CPNE5: variants seen among roughly 807,000 people sequenced by gnomAD.
The protein encoded by CPNE5 is copine 5.
Under a neutral mutation model 81.1 loss-of-function variants are expected in CPNE5, and 42 were observed. The ratio of observed to expected loss-of-function variants is 0.52; its 90% CI spans 0.40 to 0.67. CPNE5 has a LOEUF of 0.67. Ranked by LOEUF, CPNE5 falls within the 30% of genes least tolerant of loss-of-function variation. The pLI, the probability that CPNE5 is intolerant of heterozygous loss-of-function variation, is 0.00. For missense variants in CPNE5, 612 were observed against 815.5 expected (o/e 0.75, Z 3.04); for synonymous variants, 313 against 321.5 (o/e 0.97, Z 0.28).
At chr6:36,836,635 G>T (rs192703404) in intron 1 of CPNE5, among the ~76,000 whole-genome samples, 4 of 152,180 alleles carry the variant, frequency 2.6e-5, no homozygotes, top group African/African-American at 9.7e-5. Context: ...CCCTGAGAGC[G>T]GGTGCAGTGG....
At position 36,790,991 on chromosome 6, in the gene CPNE5, C is replaced by T. The variant is rs76411494; in HGVS notation, c.528+1042G>A. 9.9e-3 allele frequency among the ~76,000 whole-genome samples: 1,502 copies of T among 152,242 alleles called. 27 individuals are homozygous for T. The highest frequency in any genetic ancestry group is 0.035 in the African/African-American group (1,439 of 41,552). On this transcript the variant is annotated intron_variant, in intron 8 of 20. Transcript: ENST00000244751. ...GGTAAATATTGATTGATAGCTGATC[C>T]GTAGCACTGACCTCCCAGGAAGGTA...
At chr6:36,817,173 A>C (rs1436581756) in intron 3 of CPNE5, among the ~76,000 whole-genome samples, 1 of 152,122 alleles carries the variant, frequency 6.6e-6, no homozygotes, top group African/African-American at 2.4e-5. Flanking sequence ...TAAAAATACA[A>C]AATTAGCTGG....
At chr6:36,821,868 C>G (rs982188268) in intron 3 of CPNE5, among the ~76,000 whole-genome samples, 6 of 152,154 alleles carry the variant, frequency 3.9e-5, no homozygotes, top group African/African-American at 1.4e-4. Context: ...GACTGGGGCT[C>G]CCTGAGAACA....
At chr6:36,795,410 C>A (rs2150516478) in intron 6 of CPNE5, among the ~76,000 whole-genome samples, 1 of 152,256 alleles carries the variant, frequency 6.6e-6, no homozygotes, top group Admixed American at 6.5e-5. Context: ...AACTCCTGAC[C>A]TCAGGTGATC....
At chr6:36,768,222 G>GTTCTTTTTTTCTTTTTTT (rs151143358) in intron 10 of CPNE5, among the ~76,000 whole-genome samples, 2 of 43,542 alleles carry the variant, frequency 4.6e-5, no homozygotes, top group Admixed American at 2.6e-4. Context: ...TCTATTCACA[G>GTTCTTTTTTTCTTTTTTT]TTCTTTTTTT....
At chr6:36,783,547 A>G (rs1314110062) in intron 8 of CPNE5, among the ~76,000 whole-genome samples, 1 of 152,030 alleles carries the variant, frequency 6.6e-6, no homozygotes, top group Non-Finnish European at 1.5e-5. Flanking sequence ...TCTGTCACCC[A>G]CGCTGGAGTG....
At chr6:36,821,427 G>A (rs28656041) in intron 3 of CPNE5, among the ~76,000 whole-genome samples, 24,131 of 152,076 alleles carry the variant, frequency 0.16, 2,484 homozygotes, top group East Asian at 0.32. Flanking sequence ...CCCTCTGGCC[G>A]CGGGGTGAGG....
rs557551813 is a variant in CPNE5 at position 36,807,037 on chromosome 6, G to A, written c.184-6967C>T. 3.3e-5 allele frequency among the ~76,000 whole-genome samples: 5 copies of A among 152,304 alleles called. No individual in the cohort carries two copies. In the South Asian group the frequency reaches 1.0e-3, roughly 32 times the overall value. On this transcript the variant is annotated intron_variant, in intron 3 of 20. Coordinates refer to ENST00000244751, the MANE Select transcript of CPNE5 (RefSeq NM_020939.2). The stretch of plus-strand genomic sequence containing the variant: ...AGTCAGGGTTTGAGGCTCCTAACCT[G>A]GGCTTTATGTGGGTTTGTGACATCC...
chr6:36,756,983 G>A (rs988527413), intron 12 of CPNE5, among the ~76,000 whole-genome samples: 1 of 152,148 alleles, frequency 6.6e-6, no homozygotes, highest in South Asian at 2.1e-4. Context: ...AGACGGTTTT[G>A]GTTTCCACAA....
intron 12 of CPNE5, among the ~76,000 whole-genome samples, chr6:36,756,563 C>T (rs1248613895): frequency 1.3e-5 from 2 of 152,212 alleles, no homozygotes; most frequent in East Asian, 1.9e-4. Flanking sequence ...TCCCACTGTT[C>T]CCCGGAACAC....
Position 36,798,234 on chromosome 6 carries a change from A to G in CPNE5, c.335T>C (p.Leu112Pro). 1.9e-6 allele frequency: 3 copies of G among 1,613,382 alleles called. No homozygotes were observed. The highest frequency in any genetic ancestry group is 2.5e-6 in the Non-Finnish European group (3 of 1,179,682). The change falls in exon 6 of 21, where the codon CTG (leucine) becomes CCG (proline). Residue 112 changes from leucine (L) to proline (P), a missense_variant. By Grantham distance (98) the Leu-to-Pro change is moderately conservative. Transcript: ENST00000244751. ...TCCAAGGGTGCAGAAGGCCTGGCCC[A>G]GGAAATCCTGCATATCCAGGGAACA... ...KSPDLSKHDF[L>P]GQAFCTLGEI...
intron 3 of CPNE5, among the ~76,000 whole-genome samples, chr6:36,805,921 G>A (rs1454390241): frequency 6.6e-6 from 1 of 152,184 alleles, no homozygotes; most frequent in Admixed American, 6.5e-5. Flanking sequence ...AACTTCTTTG[G>A]GGACTAAATT....
chr6:36,813,110 C>G (rs1771242411), intron 3 of CPNE5, among the ~76,000 whole-genome samples: 1 of 152,204 alleles, frequency 6.6e-6, no homozygotes, highest in Non-Finnish European at 1.5e-5. Flanking sequence ...CAGTCTTATT[C>G]CAAAACCTCC....
At chr6:36,807,317 A>C (rs1318018756) in intron 3 of CPNE5, among the ~76,000 whole-genome samples, 1 of 152,170 alleles carries the variant, frequency 6.6e-6, no homozygotes, top group East Asian at 1.9e-4. Context: ...CCTTGGGCAA[A>C]TGCCTTTACC....
intron 1 of CPNE5, among the ~76,000 whole-genome samples, chr6:36,825,896 A>G (rs534141337): frequency 6.6e-6 from 1 of 152,178 alleles, no homozygotes; most frequent in Non-Finnish European, 1.5e-5. Flanking sequence ...CTTTAGGTTT[A>G]TCTTTGAATT....
intron 12 of CPNE5, among the ~76,000 whole-genome samples, chr6:36,758,710 A>T (rs1765731468): frequency 1.3e-5 from 2 of 152,102 alleles, no homozygotes; most frequent in African/African-American, 4.8e-5. Context: ...GCGTGGCTAT[A>T]GAGGTTCGAG....
chr6:36,771,147 A>T (rs1228029037), intron 10 of CPNE5, among the ~76,000 whole-genome samples: 3 of 152,122 alleles, frequency 2.0e-5, no homozygotes, highest in Non-Finnish European at 4.4e-5. Context: ...GACTAAAACC[A>T]ATCCAAGCAG....
At chr6:36,783,513 TCAGACAG>T (rs1207113059) in intron 8 of CPNE5, among the ~76,000 whole-genome samples, 2 of 134,526 alleles carry the variant, frequency 1.5e-5, no homozygotes, top group East Asian at 4.6e-4. Flanking sequence ...TTTTTGTTTT[TCAGACAG>T]GTTCTCTCTC....
At chr6:36,776,627 AC>A (rs898488450) in intron 9 of CPNE5, among the ~76,000 whole-genome samples, 5 of 151,602 alleles carry the variant, frequency 3.3e-5, no homozygotes, top group African/African-American at 4.8e-5. Context: ...TCCAAATACC[AC>A]CCCCCAACCG....
Sources: gnomAD v4.1 joint callset for allele counts (sites outside exome capture counted in the v4.1 genomes callset) on GRCh38, gnomAD v4.1.1 for gene constraint, MANE v1.5 for transcripts, NCBI Gene and HGNC (gene_info 2026-07-23, HGNC 2026-07-21) for gene names.